Variants in GHR observed in about 807,000 individuals in gnomAD.
GHR encodes growth hormone receptor.
Under a neutral mutation model 67.1 loss-of-function variants are expected in GHR, and 35 were observed. That is an observed-to-expected ratio of 0.52 (90% CI 0.40 to 0.69). GHR has a LOEUF of 0.69. GHR is among the 30% of genes least tolerant of loss of function. The pLI, the probability that GHR is intolerant of heterozygous loss-of-function variation, is 0.00. For synonymous variants in GHR, 272 were observed against 269.1 expected (o/e 1.01, Z -0.10); for missense variants, 792 against 764.6 (o/e 1.04, Z -0.42).
chr5:42,478,664 C>G (rs1176710856), intron 1 of GHR, among the ~76,000 whole-genome samples: 2 of 152,150 alleles, frequency 1.3e-5, no homozygotes, highest in African/African-American at 2.4e-5. Flanking sequence ...TGGGAGTTCA[C>G]TCATGATTTG....
At chr5:42,664,802 C>A (rs1179505995) in intron 3 of GHR, among the ~76,000 whole-genome samples, 2 of 152,142 alleles carry the variant, frequency 1.3e-5, no homozygotes, top group Non-Finnish European at 2.9e-5. Flanking sequence ...TCAGAGTGAA[C>A]AGGCAGCCTA....
intron 1 of GHR, among the ~76,000 whole-genome samples, chr5:42,478,513 T>C (rs927073444): frequency 6.6e-6 from 1 of 152,214 alleles, no homozygotes; most frequent in African/African-American, 2.4e-5. Flanking sequence ...TTCCTACCCA[T>C]GAGCATGGAA....
chr5:42,599,798 T>A (rs1691814424), intron 2 of GHR, among the ~76,000 whole-genome samples: 1 of 152,168 alleles, frequency 6.6e-6, no homozygotes, highest in Admixed American at 6.5e-5. Context: ...TTAAGGACAA[T>A]CCTGGGCCTG....
At chr5:42,694,709 G>C (rs1332305049) in intron 4 of GHR, among the ~76,000 whole-genome samples, 1 of 152,182 alleles carries the variant, frequency 6.6e-6, no homozygotes, top group Non-Finnish European at 1.5e-5. Flanking sequence ...ACCATAGGCA[G>C]AAGTACCAAA....
intron 9 of GHR, 123 bp downstream of exon 9, chr5:42,718,244 T>C (rs1455666783): frequency 1.2e-5 from 9 of 722,178 alleles, no homozygotes; most frequent in Non-Finnish European, 1.9e-5. Flanking sequence ...TCTCTTCTCC[T>C]GGAGAAAATT....
At chr5:42,611,820 G>C (rs1752905527) in intron 2 of GHR, among the ~76,000 whole-genome samples, 1 of 152,124 alleles carries the variant, frequency 6.6e-6, no homozygotes, top group African/African-American at 2.4e-5. Flanking sequence ...TCATCTTCAA[G>C]ATATTGCCAT....
At chr5:42,600,305 G>A (rs1476058974) in intron 2 of GHR, among the ~76,000 whole-genome samples, 2 of 152,266 alleles carry the variant, frequency 1.3e-5, no homozygotes, top group Non-Finnish European at 1.5e-5. Flanking sequence ...GTAAAAGAGA[G>A]AGAAAGGATG....
chr5:42,599,004 A>G (rs913527059), intron 2 of GHR, among the ~76,000 whole-genome samples: 2 of 152,258 alleles, frequency 1.3e-5, no homozygotes, highest in Non-Finnish European at 2.9e-5. Flanking sequence ...TACTTCATTT[A>G]AAGTCATATT....
chr5:42,543,309 T>G (rs191047073), intron 1 of GHR, among the ~76,000 whole-genome samples: 9 of 152,292 alleles, frequency 5.9e-5, no homozygotes, highest in East Asian at 1.9e-4. Context: ...TGTTTGTTTT[T>G]GGGATTTTTT....
At chr5:42,543,102 G>A (rs1301653872) in intron 1 of GHR, among the ~76,000 whole-genome samples, 1 of 152,106 alleles carries the variant, frequency 6.6e-6, no homozygotes, top group African/African-American at 2.4e-5. Context: ...ACATACATGA[G>A]CAGGTATCTT....
At chr5:42,543,910 A>AT (rs201322817) in intron 1 of GHR, among the ~76,000 whole-genome samples, 9 of 150,582 alleles carry the variant, frequency 6.0e-5, no homozygotes, top group South Asian at 4.2e-4. Context: ...ACTACTCTCA[A>AT]TTTTTTTTTT....
At chr5:42,675,527 T>C (rs1457300527) in intron 3 of GHR, among the ~76,000 whole-genome samples, 1 of 152,084 alleles carries the variant, frequency 6.6e-6, no homozygotes, top group Admixed American at 6.6e-5. Context: ...TGAAAGGCAA[T>C]AAACTAACTG....
chr5:42,443,716 C>G (rs922655833), intron 1 of GHR, among the ~76,000 whole-genome samples: 6 of 152,018 alleles, frequency 3.9e-5, no homozygotes, highest in Non-Finnish European at 7.4e-5. Context: ...GTTGGAGACC[C>G]AGAGAAGAGC....
chr5:42,681,409 T>C (rs1486925616), intron 3 of GHR, among the ~76,000 whole-genome samples: 1 of 152,160 alleles, frequency 6.6e-6, no homozygotes, highest in Non-Finnish European at 1.5e-5. Context: ...CACAATGAGA[T>C]ACCATTTCAC....
chr5:42,430,100 G>C (rs1433047238), intron 1 of GHR, among the ~76,000 whole-genome samples: 2 of 152,188 alleles, frequency 1.3e-5, no homozygotes, highest in Admixed American at 1.3e-4. Context: ...TCCATAAGCA[G>C]GTCCCATGTC....
rs146678768 is a variant in GHR at position 42,530,150 on chromosome 5, C to T, written c.-11-35714C>T. ...TACATTTTATAATGATCACCATGAT[C>T]AAATTAATTAACACATCCTTCACCA... On this transcript the variant is annotated intron_variant, in intron 1 of 9. Transcript: ENST00000230882. Among the ~76,000 whole-genome samples, 1,059 of 151,906 alleles carry T rather than the reference C, an allele frequency of 7.0e-3. 4 individuals carry two copies. The highest frequency in any genetic ancestry group is 0.01 in the Non-Finnish European group (690 of 67,952).
chr5:42,658,742 A>G (rs778160738), intron 3 of GHR, among the ~76,000 whole-genome samples: 2 of 152,164 alleles, frequency 1.3e-5, no homozygotes, highest in African/African-American at 4.8e-5. Context: ...GGTAGAGAGT[A>G]GGAATGATGA....
chr5:42,486,661 C>T (rs1480613072), intron 1 of GHR, among the ~76,000 whole-genome samples: 2 of 152,148 alleles, frequency 1.3e-5, no homozygotes, highest in Non-Finnish European at 2.9e-5. Context: ...TCCTGGCTAA[C>T]ACGGTGAAAC....
chr5:42,681,354 A>G (rs1756859167), intron 3 of GHR, among the ~76,000 whole-genome samples: 1 of 152,240 alleles, frequency 6.6e-6, no homozygotes. Context: ...GACACATGAA[A>G]AAATGCTCAT....
Sources: gnomAD v4.1 joint callset for allele counts (sites outside exome capture counted in the v4.1 genomes callset) on GRCh38, gnomAD v4.1.1 for gene constraint, MANE v1.5 for transcripts, NCBI Gene and HGNC (gene_info 2026-07-23, HGNC 2026-07-21) for gene names.